Variants in ABCC6 observed in about 807,000 individuals in gnomAD.
ABCC6 encodes ATP binding cassette subfamily C member 6.
ABCC6 carries 126 observed loss-of-function variants against 169.5 expected under a neutral mutation model. The observed-to-expected ratio is 0.74, with a 90% CI of 0.64 to 0.86. ABCC6 has a LOEUF of 0.86. Ranked by LOEUF, ABCC6 falls within the 40% of genes least tolerant of loss-of-function variation. The pLI, the probability that ABCC6 is intolerant of heterozygous loss-of-function variation, is 0.00. For synonymous variants in ABCC6, 752 were observed against 814.7 expected (o/e 0.92, Z 1.31); for missense variants, 1,733 against 1,927.2 (o/e 0.90, Z 1.89).
At chr16:16,214,145 C>A (rs2048758628) in intron 5 of ABCC6, among the ~76,000 whole-genome samples, 179 bp downstream of exon 5, 1 of 152,166 alleles carries the variant, frequency 6.6e-6, no homozygotes, top group Admixed American at 6.5e-5. Flanking sequence ...CTCACAGAGT[C>A]CAAAATATTT....
At chr16:16,193,200 G>T (rs1435099430) in intron 10 of ABCC6, among the ~76,000 whole-genome samples, 1 of 152,076 alleles carries the variant, frequency 6.6e-6, no homozygotes, top group Non-Finnish European at 1.5e-5. Context: ...GTGACCTCCC[G>T]TCATCCTCAC....
In ABCC6 at chr16:16,182,416, T is replaced by A. The variant is rs1567502644; in HGVS notation, c.2243A>T (p.Glu748Val). The A allele has an allele frequency of 1.2e-6, 2 of 1,613,730 alleles. No homozygotes were observed. Among genetic ancestry groups the A allele is most frequent in the East Asian group, 4.5e-5 (2 of 44,880 alleles). ...AAAAGACCCCCAAACTCTCACCTGC[T>A]CCCCAATTGAAGTGTGGATTCCCTC... ...FPEGIHTSIG[E>V]QGMNLSGGQK... The change falls in exon 17 of 31, where the codon GAG (glutamate) becomes GTG (valine). Residue 748 changes from glutamate to valine, a missense_variant. Around this residue, in one of 5 missense-constraint regions of ABCC6, gnomAD observed 1,601 missense variants for 1,635.5 expected, o/e 0.98. Transcript: ENST00000205557.
intron 9 of ABCC6, 106 bp from the exon 10 acceptor site, chr16:16,198,288 T>C: frequency 7.7e-7 from 1 of 1,293,614 alleles, no homozygotes; most frequent in Non-Finnish European, 1.1e-6. Context: ...GTCTGCGAGG[T>C]GGGTGAGTAA....
intron 10 of ABCC6, among the ~76,000 whole-genome samples, chr16:16,194,674 ATGTT>A (rs560743562): frequency 5.3e-5 from 8 of 152,072 alleles, no homozygotes; most frequent in East Asian, 1.9e-4. Flanking sequence ...TAGGAACACT[ATGTT>A]TATTTATTTA....
chr16:16,169,974 C>T, intron 21 of ABCC6, 121 bp from the exon 22 acceptor site: 2 of 1,010,732 alleles, frequency 2.0e-6, no homozygotes, highest in Non-Finnish European at 3.0e-6. Flanking sequence ...ACCACGCAGA[C>T]CTCACTGGTT....
Position 16,188,843 on chromosome 16 carries a change from G to A in ABCC6, c.1767C>T (p.His589=), listed in dbSNP as rs779024802. 6 of 1,613,982 alleles carry A rather than the reference G, an allele frequency of 3.7e-6. No individual in the cohort carries two copies. The African/African-American group carries it at 4.0e-5, about 11-fold the overall frequency. ...GCACCCACCTCACCTGGACGAGGGA[G>A]TGGATGGAGAAGGGCAGGAAAGCCT... ...KAQAFLPFSI[H]SLVQARVSFD... The change falls in exon 13 of 31, where the codon CAC becomes CAT. Residue 589 remains histidine, a synonymous_variant. Transcript: ENST00000205557.
intron 7 of ABCC6, among the ~76,000 whole-genome samples, chr16:16,207,703 C>T (rs1408199279): frequency 6.6e-6 from 1 of 152,222 alleles, no homozygotes; most frequent in Non-Finnish European, 1.5e-5. Context: ...GGTTAAGCAA[C>T]GTGTCCAAGG....
chr16:16,156,387 CCA>C (rs772847506), intron 27 of ABCC6, among the ~76,000 whole-genome samples: 2 of 152,198 alleles, frequency 1.3e-5, no homozygotes, highest in African/African-American at 2.4e-5. Context: ...GGGGAACACT[CCA>C]GGTAAACCAC....
At chr16:16,201,014 T>C (rs943316903) in intron 9 of ABCC6, among the ~76,000 whole-genome samples, 1 of 152,208 alleles carries the variant, frequency 6.6e-6, no homozygotes, top group Non-Finnish European at 1.5e-5. Context: ...TTACCCAGGC[T>C]GCGCTGTAGT....
chr16:16,188,660 T>G (rs1011850085), intron 13 of ABCC6, among the ~76,000 whole-genome samples, 171 bp downstream of exon 13: 1 of 152,180 alleles, frequency 6.6e-6, no homozygotes, highest in African/African-American at 2.4e-5. Context: ...TGCTGTACTC[T>G]CTGCCCGCCT....
At chr16:16,188,117 C>T (rs766312526) in intron 13 of ABCC6, among the ~76,000 whole-genome samples, 1 of 150,512 alleles carries the variant, frequency 6.6e-6, no homozygotes, top group Non-Finnish European at 1.5e-5. Flanking sequence ...TGCAGTGGCT[C>T]ATGTCTGTAA....
intron 26 of ABCC6, among the ~76,000 whole-genome samples, chr16:16,158,055 C>A (rs1376087835): frequency 6.6e-6 from 1 of 152,054 alleles, no homozygotes; most frequent in Non-Finnish European, 1.5e-5. Flanking sequence ...AAAATAATCT[C>A]TTTTTCTATA....
intron 25 of ABCC6, among the ~76,000 whole-genome samples, chr16:16,160,363 C>T (rs1370851920): frequency 2.0e-5 from 3 of 152,214 alleles, no homozygotes; most frequent in African/African-American, 7.2e-5. Context: ...AATTCTTGTG[C>T]ACAGTGGCTC....
chr16:16,159,651 G>T, intron 25 of ABCC6, 68 bp from the exon 26 acceptor site: 1 of 1,450,326 alleles, frequency 6.9e-7, no homozygotes. Context: ...AGCCCCCCTG[G>T]TTTCCCAACC....
intron 4 of ABCC6, among the ~76,000 whole-genome samples, chr16:16,215,244 G>A (rs2048818290): frequency 6.6e-6 from 1 of 152,022 alleles, no homozygotes; most frequent in African/African-American, 2.4e-5. Flanking sequence ...TGCTTCCTTT[G>A]ACTCAGGGGG....
chr16:16,179,057 A>C (rs2047385747), intron 17 of ABCC6, 92 bp from the exon 18 acceptor site: 6 of 1,384,474 alleles, frequency 4.3e-6, no homozygotes, highest in Non-Finnish European at 6.0e-6. Flanking sequence ...ACACCTGCCC[A>C]TCAGGGTGAG....
intron 10 of ABCC6, among the ~76,000 whole-genome samples, chr16:16,196,657 A>G (rs1596698311): frequency 6.6e-6 from 1 of 152,160 alleles, no homozygotes; most frequent in East Asian, 1.9e-4. Context: ...CAGAAGGAGG[A>G]TTTGAGCCTA....
intron 26 of ABCC6, among the ~76,000 whole-genome samples, chr16:16,158,396 TCTCTTATCCTTTATCCACC>T: frequency 6.6e-6 from 1 of 152,050 alleles, no homozygotes; most frequent in Non-Finnish European, 1.5e-5. Context: ...CATCCATCCA[TCTCTTATCCTTTATCCACC>T]CCATCCCACC....
chr16:16,208,081 A>T (rs2048452641), intron 7 of ABCC6, among the ~76,000 whole-genome samples: 1 of 152,188 alleles, frequency 6.6e-6, no homozygotes, highest in African/African-American at 2.4e-5. Context: ...GTAAGTGAGC[A>T]GCTGCTTGTG....
Sources: gnomAD v4.1 joint callset for allele counts (sites outside exome capture counted in the v4.1 genomes callset) on GRCh38, gnomAD v4.1.1 for gene constraint, gnomAD v4.1.1 regional missense constraint, MANE v1.5 for transcripts, NCBI Gene and HGNC (gene_info 2026-07-23, HGNC 2026-07-21) for gene names.